OPCML: variants seen among roughly 807,000 people sequenced by gnomAD.
OPCML encodes the protein opioid binding protein/cell adhesion molecule like.
OPCML carries 13 observed loss-of-function variants against 37.8 expected under a neutral mutation model. The observed-to-expected ratio is 0.34, with a 90% CI of 0.22 to 0.55. The LOEUF (loss-of-function observed/expected upper bound fraction) is 0.55, where lower values mean the gene tolerates loss of function less well. Among genes scored for constraint, OPCML ranks in the 20% least tolerant of loss-of-function variants. OPCML has a pLI of 0.91. For synonymous variants in OPCML, 176 were observed against 168.8 expected (o/e 1.04, Z -0.33); for missense variants, 341 against 435.6 (o/e 0.78, Z 1.93).
intron 1 of OPCML, among the ~76,000 whole-genome samples, chr11:133,355,671 G>C (rs1464498620): frequency 1.3e-5 from 2 of 152,144 alleles, no homozygotes; most frequent in African/African-American, 2.4e-5. Flanking sequence ...CATGATTTCA[G>C]TCATCGCTTC....
chr11:133,109,238 C>T lies in OPCML; in HGVS notation c.62-166228G>A, dbSNP rs545040510. ...CGGAACTTTGCCGTGGGTGTTACAG[C>T]TCTTAAATATGGCACGGACCCAAAG... On this transcript the variant is annotated intron_variant, in intron 1 of 7. Transcript: ENST00000524381. Among the ~76,000 whole-genome samples the T allele has an allele frequency of 2.0e-4, 30 of 152,264 alleles. No individual in the cohort carries two copies. The South Asian group carries it at 6.2e-3, about 32-fold the overall frequency.
chr11:133,071,820 T>C (rs1195599305), intron 1 of OPCML, among the ~76,000 whole-genome samples: 1 of 152,226 alleles, frequency 6.6e-6, no homozygotes, highest in Non-Finnish European at 1.5e-5. Context: ...TTTTGAGTAC[T>C]GAGCACTCAT....
intron 2 of OPCML, among the ~76,000 whole-genome samples, chr11:132,780,986 T>C (rs991678691): frequency 1.3e-5 from 2 of 152,212 alleles, no homozygotes; most frequent in Non-Finnish European, 2.9e-5. Context: ...TTTATATTTT[T>C]TCATTGATTT....
At chr11:133,458,335 T>C (rs866694102) in intron 1 of OPCML, among the ~76,000 whole-genome samples, 618 of 10,806 alleles carry the variant, frequency 0.057, 41 homozygotes, top group Non-Finnish European at 0.057. Context: ...TGTATATATA[T>C]ACACATATAT....
chr11:133,066,080 G>C (rs1009373305), intron 1 of OPCML: 1 of 152,688 alleles, frequency 6.5e-6, no homozygotes, highest in Non-Finnish European at 1.5e-5. Flanking sequence ...TGCTAGAACA[G>C]AGCCGCCTGC....
intron 1 of OPCML, chr11:133,421,546 T>C (rs1334091236): frequency 2.0e-6 from 2 of 985,380 alleles, no homozygotes; most frequent in African/African-American, 3.5e-5. Flanking sequence ...AACTGTAGAG[T>C]TGGGATTGTT....
chr11:133,282,598 T>A (rs1942188857), intron 1 of OPCML, among the ~76,000 whole-genome samples: 1 of 152,166 alleles, frequency 6.6e-6, no homozygotes, highest in Non-Finnish European at 1.5e-5. Flanking sequence ...CCATGCAGTT[T>A]CCACCAGGGA....
Position 132,708,902 on chromosome 11 carries a change from G to C in OPCML, c.147-51583C>G, listed in dbSNP as rs570790322. On this transcript the variant is annotated intron_variant, in intron 2 of 7. Coordinates refer to ENST00000524381, the MANE Select transcript of OPCML (RefSeq NM_001012393.5). ...ACAAAATGATTTCTTGTTAAAGAATGCTCATTTCATACTGAGCATATTTAA... is the reference window on the plus strand; with the variant it reads ...ACAAAATGATTTCTTGTTAAAGAATCCTCATTTCATACTGAGCATATTTAA... Among the ~76,000 whole-genome samples, 3 of 152,318 alleles carry C rather than the reference G, an allele frequency of 2.0e-5. No individual in the cohort carries two copies. In the South Asian group the frequency reaches 6.2e-4, roughly 32 times the overall value.
chr11:133,208,990 A>C lies in OPCML; in HGVS notation c.62-265980T>G, dbSNP rs525999. Among the ~76,000 whole-genome samples, 2 of 152,058 alleles carry C rather than the reference A, an allele frequency of 1.3e-5. No homozygotes were observed. Among genetic ancestry groups the C allele is most frequent in the Admixed American group, 6.5e-5 (1 of 15,270 alleles). On this transcript the variant is annotated intron_variant, in intron 1 of 7. Transcript: ENST00000524381. This position sits in a 1 kb window ranked among gnomAD's most constrained non-coding sequence, Gnocchi z 8.9. ...AAAATTACCTGAAATGCTGTCCTAC[A>C]TTCTCTTCACATGACCAATTCCTAT... is the stretch of plus-strand genomic sequence containing the variant.
chr11:133,119,439 A>T (rs1949387481), intron 1 of OPCML, among the ~76,000 whole-genome samples: 1 of 152,074 alleles, frequency 6.6e-6, no homozygotes, highest in Admixed American at 6.5e-5. Flanking sequence ...AGACAGTAGG[A>T]CTAGGAATGC....
rs1175716759 is a variant in OPCML at position 133,475,161 on chromosome 11, G to A, written c.61+57103C>T. ...CTACACAACTGAATGTTTCAGAAAT[G>A]TTTGTTTTTTATTTTTTATTGTGTG... On this transcript the variant is annotated intron_variant, in intron 1 of 7. Coordinates refer to ENST00000524381, the MANE Select transcript of OPCML (RefSeq NM_001012393.5). 2.6e-5 allele frequency among the ~76,000 whole-genome samples: 4 copies of A among 151,490 alleles called. No homozygotes were observed. In the East Asian group the frequency reaches 5.8e-4, roughly 22 times the overall value.
At chr11:133,358,569 G>A (rs1944343317) in intron 1 of OPCML, among the ~76,000 whole-genome samples, 1 of 152,182 alleles carries the variant, frequency 6.6e-6, no homozygotes, top group Non-Finnish European at 1.5e-5. Flanking sequence ...AGAGAAACTT[G>A]CTGTTTTCAT....
intron 2 of OPCML, among the ~76,000 whole-genome samples, chr11:132,749,312 A>T (rs1402693962): frequency 6.6e-6 from 1 of 152,216 alleles, no homozygotes; most frequent in Non-Finnish European, 1.5e-5. Context: ...ACAAACTATG[A>T]CAGGCTGTAA....
At chr11:133,180,822 C>T (rs767298021) in intron 1 of OPCML, among the ~76,000 whole-genome samples, 87 of 129,868 alleles carry the variant, frequency 6.7e-4, no homozygotes, top group Non-Finnish European at 1.1e-3. Flanking sequence ...GTGGAGACAG[C>T]GAGTGCTCAG....
intron 2 of OPCML, among the ~76,000 whole-genome samples, chr11:132,899,391 T>C (rs549418765): frequency 6.6e-6 from 1 of 152,340 alleles, no homozygotes; most frequent in Admixed American, 6.5e-5. Flanking sequence ...TTTGACTTTA[T>C]ATCAGTATAT....
chr11:133,272,081 G>A (rs1941854288), intron 1 of OPCML, among the ~76,000 whole-genome samples: 1 of 152,130 alleles, frequency 6.6e-6, no homozygotes, highest in Non-Finnish European at 1.5e-5. Context: ...AAGGAAAGGA[G>A]TGCTTCAGAT....
chr11:132,656,092 G>A (rs1003227056), intron 3 of OPCML, among the ~76,000 whole-genome samples: 23 of 152,186 alleles, frequency 1.5e-4, no homozygotes, highest in Non-Finnish European at 2.2e-4. Flanking sequence ...AAGTCCACCC[G>A]AACCTTTCAT....
intron 1 of OPCML, among the ~76,000 whole-genome samples, chr11:133,202,832 G>C (rs1341922601): frequency 6.6e-6 from 1 of 152,232 alleles, no homozygotes; most frequent in Non-Finnish European, 1.5e-5. Flanking sequence ...TTCTGTAGAA[G>C]GCAGCAGGTG....
intron 1 of OPCML, among the ~76,000 whole-genome samples, chr11:133,200,075 A>T (rs1185315413): frequency 6.6e-6 from 1 of 152,122 alleles, no homozygotes; most frequent in African/African-American, 2.4e-5. Context: ...TCAAATGAGC[A>T]CCATTTCCCC....
Sources: gnomAD v4.1 joint callset for allele counts (sites outside exome capture counted in the v4.1 genomes callset) on GRCh38, gnomAD v4.1.1 for gene constraint, Gnocchi (gnomAD v3.1) non-coding constraint, MANE v1.5 for transcripts, NCBI Gene and HGNC (gene_info 2026-07-23, HGNC 2026-07-21) for gene names.